The following TSEN2 variants were observed in gnomAD, a reference collection of about 807,000 sequenced individuals.
The protein encoded by TSEN2 is tRNA splicing endonuclease subunit 2.
Under a neutral mutation model 59.2 loss-of-function variants are expected in TSEN2, and 54 were observed. The ratio of observed to expected loss-of-function variants is 0.91; its 90% CI spans 0.73 to 1.14. The LOEUF (loss-of-function observed/expected upper bound fraction) is 1.14, where lower values mean the gene tolerates loss of function less well. Among genes scored for constraint, TSEN2 ranks in the 50% most tolerant of loss-of-function variants. The probability of loss-of-function intolerance (pLI) is 0.00; values close to 1 mark genes in which losing one functional copy is unlikely to be tolerated. For synonymous variants in TSEN2, 195 were observed against 198.2 expected, an observed-to-expected ratio of 0.98 and a Z score of 0.14; for missense variants, 636 against 576.2, an observed-to-expected ratio of 1.10 and a Z score of -1.06.
chr3:12,506,673 A>T (rs1179917797), intron 6 of TSEN2: 1 of 984,456 alleles, frequency 1.0e-6, no homozygotes, highest in Non-Finnish European at 1.2e-6. Context: ...TGGTCACTTT[A>T]TGCTCAGACC....
upstream of TSEN2, among the ~76,000 whole-genome samples, chr3:12,480,703 A>G (rs1575176734): frequency 1.3e-5 from 2 of 150,636 alleles, no homozygotes; most frequent in Non-Finnish European, 3.0e-5. Context: ...TAATTTTTAT[A>G]TATTTTTTTT....
chr3:12,505,151 T>C lies in TSEN2; in HGVS notation c.832-3T>C, dbSNP rs765197771. On this transcript the variant is annotated splice_polypyrimidine_tract_variant and splice_region_variant and intron_variant, in intron 5 of 11. Transcript: ENST00000284995. ...TGTATATATTGTATTTCTTTCTCTT[T>C]AGTTGGTGCAAAGAAACAGGTTAAT... The C allele has an allele frequency of 1.9e-6, 3 of 1,579,550 alleles. No individual in the cohort carries two copies. Among genetic ancestry groups the C allele is most frequent in the South Asian group, 2.2e-5 (2 of 90,364 alleles).
At chr3:12,480,949 A>G (rs1281064833), upstream of TSEN2, among the ~76,000 whole-genome samples, 2 of 152,172 alleles carry the variant, frequency 1.3e-5, no homozygotes, top group Non-Finnish European at 2.9e-5. Context: ...CAATGACACC[A>G]TGGGCATGTG....
At chr3:12,499,600 A>G (rs2054089583) in intron 4 of TSEN2, among the ~76,000 whole-genome samples, 1 of 152,174 alleles carries the variant, frequency 6.6e-6, no homozygotes, top group South Asian at 2.1e-4. Flanking sequence ...TCTGTTTCGT[A>G]GATGGGGACT....
At chr3:12,510,291 C>T (rs2055298896) in intron 6 of TSEN2, among the ~76,000 whole-genome samples, 1 of 152,212 alleles carries the variant, frequency 6.6e-6, no homozygotes, top group Non-Finnish European at 1.5e-5. Flanking sequence ...TCCTCACTCA[C>T]TCTGTGTCAC....
intron 4 of TSEN2, among the ~76,000 whole-genome samples, chr3:12,499,425 A>G (rs1265973006): frequency 6.6e-6 from 1 of 152,222 alleles, no homozygotes; most frequent in Non-Finnish European, 1.5e-5. Flanking sequence ...AGAAGTGAAC[A>G]GTTGTGCTGT....
chr3:12,481,033 T>C (rs1176199849), upstream of TSEN2, among the ~76,000 whole-genome samples: 1 of 152,228 alleles, frequency 6.6e-6, no homozygotes, highest in Non-Finnish European at 1.5e-5. Context: ...AATAAGATCA[T>C]GGATGCAAAA....
chr3:12,495,601 C>T (rs1178497080), intron 3 of TSEN2, among the ~76,000 whole-genome samples: 1 of 152,196 alleles, frequency 6.6e-6, no homozygotes, highest in Non-Finnish European at 1.5e-5. Context: ...TACTTCTTGT[C>T]ACAATAATGC....
intron 9 of TSEN2, 129 bp downstream of exon 9, chr3:12,529,053 T>C: frequency 2.3e-6 from 2 of 884,702 alleles, no homozygotes; most frequent in East Asian, 2.4e-5. Flanking sequence ...ATAGATGCTA[T>C]ATGTTCATGC....
chr3:12,526,159 G>A (rs529250542), intron 8 of TSEN2, among the ~76,000 whole-genome samples: 2 of 151,908 alleles, frequency 1.3e-5, no homozygotes, highest in Admixed American at 1.3e-4. Flanking sequence ...GGCAACATAG[G>A]TAGACCATGT....
intron 9 of TSEN2, among the ~76,000 whole-genome samples, 192 bp downstream of exon 9, chr3:12,529,116 G>C (rs1378968566): frequency 1.3e-5 from 2 of 152,142 alleles, no homozygotes; most frequent in Non-Finnish European, 2.9e-5. Flanking sequence ...CATAGTTTAT[G>C]ATAATATATG....
intron 6 of TSEN2, among the ~76,000 whole-genome samples, chr3:12,511,915 T>G (rs1466223655): frequency 1.3e-5 from 2 of 152,222 alleles, no homozygotes; most frequent in Non-Finnish European, 2.9e-5. Context: ...GGCCATAATA[T>G]ATAGATTTCA....
chr3:12,532,536 A>G, intron 11 of TSEN2, 126 bp from the exon 12 acceptor site: 1 of 826,878 alleles, frequency 1.2e-6, no homozygotes, highest in East Asian at 2.5e-5. Context: ...TCTGTTCTAA[A>G]GGTGGGAACA....
At chr3:12,523,289 G>T (rs1276116667) in intron 8 of TSEN2, among the ~76,000 whole-genome samples, 1 of 152,128 alleles carries the variant, frequency 6.6e-6, no homozygotes, top group African/African-American at 2.4e-5. Flanking sequence ...TGCATTGACT[G>T]ATAAGTATGA....
intron 8 of TSEN2, among the ~76,000 whole-genome samples, chr3:12,525,385 T>C (rs1209106966): frequency 6.6e-6 from 1 of 152,210 alleles, no homozygotes. Flanking sequence ...AGTGATACCA[T>C]AAGTAGATAC....
intron 6 of TSEN2, chr3:12,505,440 T>G: frequency 1.8e-6 from 1 of 553,920 alleles, no homozygotes; most frequent in Non-Finnish European, 3.3e-6. Flanking sequence ...GTGTTTGCAA[T>G]CATTCCACAG....
chr3:12,488,343 C>G (rs1410327295), intron 1 of TSEN2, among the ~76,000 whole-genome samples: 1 of 152,170 alleles, frequency 6.6e-6, no homozygotes, highest in East Asian at 1.9e-4. Context: ...TCTTCAAGCA[C>G]CAGGTAAGCT....
rs1351187925 is a variant in TSEN2, at chr3:12,484,513, G to C, written c.-385G>C. The C allele has an allele frequency of 6.6e-6, 1 of 152,290 alleles. No homozygotes were observed. Among genetic ancestry groups the C allele is most frequent in the Non-Finnish European group, 1.5e-5 (1 of 68,062 alleles). 9.4% of individuals were successfully genotyped at this position (152,290 alleles called of 1,614,324 possible). On this transcript the variant is annotated 5_prime_UTR_variant, in exon 1 of 12. Transcript: ENST00000284995. ...GGTAACGGCGAGCGCGTGGGGCCAA[G>C]AAAGGTAAGGGCCCTGGGCGAGGAA...
chr3:12,525,763 ATG>A (rs66715528), intron 8 of TSEN2, among the ~76,000 whole-genome samples: 151,378 of 151,382 alleles, frequency 1, 75,687 homozygotes, highest in Middle Eastern at 1. Flanking sequence ...AAGGGTTTCA[ATG>A]TGTTGGCCAG....
Sources: allele counts gnomAD v4.1 joint callset (sites outside exome capture counted in the v4.1 genomes callset), GRCh38; gene constraint gnomAD v4.1.1; transcripts MANE v1.5; gene names NCBI Gene and HGNC (gene_info 2026-07-23, HGNC 2026-07-21).